The following CACNB2 variants were observed in gnomAD, a reference collection of about 807,000 sequenced individuals.
The protein encoded by CACNB2 is calcium voltage-gated channel auxiliary subunit beta 2, also known as voltage-dependent L-type calcium channel subunit beta-2.
A neutral mutation model predicts 73.3 loss-of-function variants in CACNB2; 42 were observed. The ratio of observed to expected loss-of-function variants is 0.57; its 90% CI spans 0.45 to 0.74. The LOEUF is 0.74. CACNB2 is among the 30% of genes least tolerant of loss of function. The pLI is 0.00. For synonymous variants in CACNB2, 348 were observed against 310.3 expected, an observed-to-expected ratio of 1.12 and a Z score of -1.28; for missense variants, 940 against 853.0, an observed-to-expected ratio of 1.10 and a Z score of -1.27.
chr10:18,377,829 A>G (rs923087690), intron 2 of CACNB2, among the ~76,000 whole-genome samples: 2 of 152,170 alleles, frequency 1.3e-5, no homozygotes, highest in African/African-American at 2.4e-5. Context: ...AAGCTGTTTT[A>G]TTAAGGTTTC....
Position 18,191,534 on chromosome 10 carries a change from C to G in CACNB2, c.213+40559C>G, listed in dbSNP as rs537621871. ...TGGTGATTTGTGAAATTTTGGTACA[C>G]CATCACCTGAGCATTATATACTGTA... On this transcript the variant is annotated intron_variant, in intron 2 of 13. Transcript: ENST00000324631. Among the ~76,000 whole-genome samples, 4 of 152,178 alleles carry G rather than the reference C, an allele frequency of 2.6e-5. No homozygotes were observed. The East Asian group carries it at 7.7e-4, about 29-fold the overall frequency.
intron 1 of CACNB2, among the ~76,000 whole-genome samples, chr10:18,148,626 A>C (rs1821692460): frequency 6.6e-6 from 1 of 152,174 alleles, no homozygotes; most frequent in African/African-American, 2.4e-5. Context: ...TTGGATAATG[A>C]GACATATTTA....
At chr10:18,427,063 C>T (rs2045642857) in intron 3 of CACNB2, among the ~76,000 whole-genome samples, 1 of 140,906 alleles carries the variant, frequency 7.1e-6, no homozygotes, top group African/African-American at 2.7e-5. Flanking sequence ...TCAAGCGATT[C>T]TCCTGCCTTA....
chr10:18,399,255 A>C (rs1002942516), intron 2 of CACNB2, among the ~76,000 whole-genome samples: 2 of 152,166 alleles, frequency 1.3e-5, no homozygotes, highest in Non-Finnish European at 2.9e-5. Flanking sequence ...GAAGCCCTCT[A>C]GGAAGATCAG....
At chr10:18,265,423 AC>A (rs1164718143) in intron 2 of CACNB2, among the ~76,000 whole-genome samples, 1 of 151,722 alleles carries the variant, frequency 6.6e-6, no homozygotes, top group Non-Finnish European at 1.5e-5. Context: ...GAGCCACCAC[AC>A]CCGGCCATTT....
chr10:18,342,455 T>G (rs1352310705), intron 2 of CACNB2, among the ~76,000 whole-genome samples: 1 of 152,204 alleles, frequency 6.6e-6, no homozygotes, highest in Non-Finnish European at 1.5e-5. Flanking sequence ...TAGCAAGATC[T>G]GTGTCTACAG....
At position 18,543,347 on chromosome 10, in the gene CACNB2, C is replaced by G. The variant is rs2133356267; in HGVS notation, c.*3623C>G. ...TAAAATATTTTATTCAACGTGAGCT[C>G]TAGCAGAATAATCTGGGTCAGTTAT... On this transcript the variant is annotated 3_prime_UTR_variant, in exon 14 of 14. Coordinates refer to ENST00000324631, the MANE Select transcript of CACNB2 (RefSeq NM_201596.3). 6.6e-6 allele frequency: 1 copy of G among 152,188 alleles called. No individual in the cohort carries two copies. The highest frequency in any genetic ancestry group is 2.4e-5 in the African/African-American group (1 of 41,550). The allele number at this position is 152,188 out of a possible 1,614,324, so 9.4% of individuals were successfully genotyped here. A position where few individuals can be genotyped will look rare whatever the true frequency, so the allele number is the denominator to read the frequency against.
At chr10:18,354,057 G>A (rs536603202) in intron 2 of CACNB2, among the ~76,000 whole-genome samples, 3 of 152,178 alleles carry the variant, frequency 2.0e-5, no homozygotes, top group South Asian at 2.1e-4. Flanking sequence ...AACTATAGTA[G>A]GCCTTAATTA....
intron 2 of CACNB2, among the ~76,000 whole-genome samples, chr10:18,171,549 A>AAAT: frequency 7.1e-6 from 1 of 139,958 alleles, no homozygotes; most frequent in Non-Finnish European, 1.5e-5. Flanking sequence ...AAAAAAAAAA[A>AAAT]GGCTATTTGT....
chr10:18,290,934 A>G (rs2039039586), intron 2 of CACNB2, among the ~76,000 whole-genome samples: 1 of 152,230 alleles, frequency 6.6e-6, no homozygotes, highest in South Asian at 2.1e-4. Context: ...GCCAGCACTC[A>G]TTTCCAGCCT....
At chr10:18,269,075 C>A (rs2037937095) in intron 2 of CACNB2, among the ~76,000 whole-genome samples, 1 of 152,158 alleles carries the variant, frequency 6.6e-6, no homozygotes, top group South Asian at 2.1e-4. Flanking sequence ...ATGATAAGAA[C>A]CTGTTTCACG....
At chr10:18,394,046 A>G (rs968994091) in intron 2 of CACNB2, among the ~76,000 whole-genome samples, 3 of 152,070 alleles carry the variant, frequency 2.0e-5, no homozygotes, top group Admixed American at 6.6e-5. Context: ...GGTTCAGGCA[A>G]TTCTTCTGCC....
rs148916090 is a variant in CACNB2 at position 18,265,613 on chromosome 10, C to G, written c.213+114638C>G. ...TGACAGAGATATATACAAATGGAAT[C>G]AGACTTAGCCTGGGTTTGAATTTTG... On this transcript the variant is annotated intron_variant, in intron 2 of 13. Transcript: ENST00000324631. Among the ~76,000 whole-genome samples the G allele has an allele frequency of 6.4e-3, 975 of 152,280 alleles. 15 individuals are homozygous for G. Among genetic ancestry groups the G allele is most frequent in the African/African-American group, 0.022 (912 of 41,544 alleles).
intron 2 of CACNB2, among the ~76,000 whole-genome samples, chr10:18,221,092 G>C (rs997884483): frequency 6.6e-6 from 1 of 152,192 alleles, no homozygotes; most frequent in Non-Finnish European, 1.5e-5. Flanking sequence ...CAGAGAAGAG[G>C]GAGGAGAGAA....
chr10:18,235,442 A>C (rs1223744433), intron 2 of CACNB2, among the ~76,000 whole-genome samples: 1 of 152,228 alleles, frequency 6.6e-6, no homozygotes, highest in Non-Finnish European at 1.5e-5. Context: ...TGGGAGACAA[A>C]GCAAGACCCT....
intron 2 of CACNB2, among the ~76,000 whole-genome samples, chr10:18,373,753 T>C (rs947447362): frequency 2.6e-5 from 4 of 152,226 alleles, no homozygotes; most frequent in African/African-American, 9.6e-5. Context: ...ATGCATAAGA[T>C]GTTAGAATTA....
At chr10:18,354,352 T>C (rs202227027) in intron 2 of CACNB2, among the ~76,000 whole-genome samples, 1 of 152,168 alleles carries the variant, frequency 6.6e-6, no homozygotes, top group Non-Finnish European at 1.5e-5. Context: ...AACTTTCCAC[T>C]GTGCCTGGTC....
chr10:18,293,159 A>G (rs2039137363), intron 2 of CACNB2, among the ~76,000 whole-genome samples: 1 of 152,226 alleles, frequency 6.6e-6, no homozygotes, highest in Admixed American at 6.5e-5. Flanking sequence ...CCTTAGTTTG[A>G]AACACAACTC....
chr10:18,514,530 G>T, intron 7 of CACNB2, 161 bp downstream of exon 7: 3 of 1,613,730 alleles, frequency 1.9e-6, no homozygotes, highest in Non-Finnish European at 2.5e-6. Context: ...AGCAGAAATC[G>T]GTAAGTTTAC....
Sources: allele counts gnomAD v4.1 joint callset (sites outside exome capture counted in the v4.1 genomes callset), GRCh38; gene constraint gnomAD v4.1.1; transcripts MANE v1.5; gene names NCBI Gene and HGNC (gene_info 2026-07-23, HGNC 2026-07-21).